Variants in SLC25A12 observed in about 807,000 individuals in gnomAD.
The protein encoded by SLC25A12 is solute carrier family 25 member 12.
In SLC25A12, 32 loss-of-function variants were observed where a neutral mutation model predicts 83.3. The observed-to-expected ratio is 0.38, with a 90% confidence interval of 0.29 to 0.52. The LOEUF (loss-of-function observed/expected upper bound fraction) is 0.52. SLC25A12 is among the 20% of genes least tolerant of loss of function. The probability of loss-of-function intolerance (pLI) is 0.84; values close to 1 mark genes in which losing one functional copy is unlikely to be tolerated. For missense variants in SLC25A12, 611 were observed against 835.6 expected (o/e 0.73, Z 3.31); for synonymous variants, 267 against 291.1 (o/e 0.92, Z 0.84).
At chr2:171,810,455 C>A (rs1683925087) in intron 11 of SLC25A12, among the ~76,000 whole-genome samples, 179 bp from the exon 12 acceptor site, 1 of 152,146 alleles carries the variant, frequency 6.6e-6, no homozygotes, top group Non-Finnish European at 1.5e-5. Context: ...TTTACAAATG[C>A]AGTATAATGT....
Position 171,890,322 on chromosome 2 carries a change from T to C in SLC25A12, c.66+2883A>G, listed in dbSNP as rs569230021. Among the ~76,000 whole-genome samples, 7 of 152,352 alleles carry C rather than the reference T, an allele frequency of 4.6e-5. No individual in the cohort carries two copies. In the East Asian group the frequency reaches 1.3e-3, roughly 29 times the overall value. On this transcript the variant is annotated intron_variant, in intron 2 of 17. Transcript: ENST00000422440. ...TTATAGCTAAAATATTAATCAACTA[T>C]ATGCATCTATAAAACTGTTTCATAA... is the stretch of plus-strand genomic sequence containing the variant.
chr2:171,857,953 T>C (rs1026296069), intron 3 of SLC25A12, among the ~76,000 whole-genome samples: 66 of 151,986 alleles, frequency 4.3e-4, no homozygotes, highest in African/African-American at 1.3e-3. Context: ...TGGGGGAAAC[T>C]CATATGTTGG....
At chr2:171,836,670 C>G (rs1684564006) in intron 6 of SLC25A12, among the ~76,000 whole-genome samples, 1 of 152,140 alleles carries the variant, frequency 6.6e-6, no homozygotes, top group African/African-American at 2.4e-5. Flanking sequence ...AAGGAAGGAG[C>G]CATCTTTATA....
At chr2:171,807,063 G>A (rs751648231) in intron 13 of SLC25A12, among the ~76,000 whole-genome samples, 1 of 152,214 alleles carries the variant, frequency 6.6e-6, no homozygotes, top group Non-Finnish European at 1.5e-5. Context: ...GGGAGAAACA[G>A]TGAATTATGT....
intron 13 of SLC25A12, among the ~76,000 whole-genome samples, chr2:171,798,402 T>C (rs1313956254): frequency 6.6e-6 from 1 of 152,224 alleles, no homozygotes; most frequent in Non-Finnish European, 1.5e-5. Context: ...GTCCTTTGTT[T>C]ATTTCCTTCT....
chr2:171,812,340 GGCCCA>G (rs1405183814), intron 11 of SLC25A12, among the ~76,000 whole-genome samples: 2 of 152,024 alleles, frequency 1.3e-5, no homozygotes, highest in Non-Finnish European at 2.9e-5. Flanking sequence ...GCTCTGTTCG[GGCCCA>G]GTCTTTCTTA....
intron 9 of SLC25A12, among the ~76,000 whole-genome samples, chr2:171,823,943 C>CAAAA (rs5836354): frequency 7.0e-6 from 1 of 142,138 alleles, no homozygotes. Flanking sequence ...CCTGTCTCCA[C>CAAAA]AAAAAAAAAA....
intron 5 of SLC25A12, among the ~76,000 whole-genome samples, chr2:171,839,424 T>A (rs1229382406): frequency 6.6e-6 from 1 of 152,082 alleles, no homozygotes; most frequent in Non-Finnish European, 1.5e-5. Context: ...ATAGGAGAAC[T>A]AAAGGAAAGA....
Position 171,868,703 on chromosome 2 carries a change from C to T in SLC25A12, c.187G>A (p.Val63Ile). The T allele has an allele frequency of 1.2e-6, 2 of 1,613,982 alleles. No individual in the cohort carries two copies. The highest frequency in any genetic ancestry group is 1.7e-6 in the Non-Finnish European group (2 of 1,179,882). The change falls in exon 3 of 18, where the codon GTA (valine) becomes ATA (isoleucine). Residue 63 changes from valine (V) to isoleucine (I), a missense_variant. Around this residue, in one of 3 missense-constraint regions of SLC25A12, gnomAD observed 540 missense variants for 777.5 expected, o/e 0.69. Transcript: ENST00000422440. ...NPKIVQLLAGVADQTKDGLIS... is the reference protein window; with the variant it reads ...NPKIVQLLAGIADQTKDGLIS... ...TACCCATCCTTGGTTTGATCAGCTA[C>T]TCCTGCCAAGAGCTGCACGATCTTT...
intron 8 of SLC25A12, among the ~76,000 whole-genome samples, chr2:171,831,490 GT>G (rs1388301616): frequency 2.0e-5 from 3 of 152,176 alleles, no homozygotes; most frequent in Non-Finnish European, 4.4e-5. Context: ...AAAGAATCTT[GT>G]ATGGCAAATT....
Position 171,790,832 on chromosome 2 carries a change from C to T in SLC25A12, c.1585+619G>A, listed in dbSNP as rs528266400. Among the ~76,000 whole-genome samples the T allele has an allele frequency of 9.2e-5, 14 of 152,156 alleles. No homozygotes were observed. In the South Asian group the frequency reaches 2.5e-3, roughly 27 times the overall value. ...AGGTGATCCTCCCACCTCAGCCTCC[C>T]GGGTAGCTGGCTGGGACTACAGGCA... is the stretch of plus-strand genomic sequence containing the variant. On this transcript the variant is annotated intron_variant, in intron 15 of 17. Transcript: ENST00000422440.
chr2:171,792,292 T>A (rs904434853), intron 14 of SLC25A12, among the ~76,000 whole-genome samples: 1 of 149,406 alleles, frequency 6.7e-6, no homozygotes, highest in African/African-American at 2.5e-5. Context: ...TCTTTTTAAT[T>A]TTTTTTTTTT....
intron 4 of SLC25A12, chr2:171,848,160 A>G (rs1684839618): frequency 2.1e-6 from 1 of 471,076 alleles, no homozygotes; most frequent in South Asian, 1.5e-5. Flanking sequence ...ACCTTTCTGC[A>G]GTACAAAATT....
chr2:171,880,468 G>C, intron 2 of SLC25A12, among the ~76,000 whole-genome samples: 1 of 152,054 alleles, frequency 6.6e-6, no homozygotes, highest in Non-Finnish European at 1.5e-5. Context: ...AGTAGAGGCG[G>C]GGTTTTACCA....
At chr2:171,867,454 A>C (rs2105916444) in intron 3 of SLC25A12, among the ~76,000 whole-genome samples, 1 of 152,334 alleles carries the variant, frequency 6.6e-6, no homozygotes, top group South Asian at 2.1e-4. Flanking sequence ...AACACAGCGA[A>C]ACCCCGTCTC....
intron 5 of SLC25A12, among the ~76,000 whole-genome samples, chr2:171,839,136 C>G (rs1337340497): frequency 1.3e-5 from 2 of 152,126 alleles, no homozygotes; most frequent in East Asian, 3.8e-4. Context: ...TTGGAAGAAT[C>G]TTAAACACTA....
At chr2:171,849,476 C>A (rs1000582157) in intron 4 of SLC25A12, among the ~76,000 whole-genome samples, 9 of 150,348 alleles carry the variant, frequency 6.0e-5, no homozygotes, top group African/African-American at 1.7e-4. Context: ...CCAAATTAAG[C>A]TATATATTTA....
At chr2:171,796,143 T>TA (rs1683592985) in intron 13 of SLC25A12, among the ~76,000 whole-genome samples, 1 of 152,124 alleles carries the variant, frequency 6.6e-6, no homozygotes, top group Non-Finnish European at 1.5e-5. Context: ...ATGGGGGTCT[T>TA]ACCATGTTGC....
chr2:171,883,664 G>A (rs957179098), intron 2 of SLC25A12, among the ~76,000 whole-genome samples: 8 of 152,030 alleles, frequency 5.3e-5, no homozygotes, highest in South Asian at 2.1e-4. Context: ...AGCTTTGTAC[G>A]TGTGAGCCCT....
Sources: allele counts gnomAD v4.1 joint callset (sites outside exome capture counted in the v4.1 genomes callset), GRCh38; gene constraint gnomAD v4.1.1; regional missense constraint gnomAD v4.1.1; transcripts MANE v1.5; gene names NCBI Gene and HGNC (gene_info 2026-07-23, HGNC 2026-07-21).